Variants in ALG13 observed in about 807,000 individuals in gnomAD.
ALG13 encodes the protein ALG13 UDP-N-acetylglucosaminyltransferase subunit, also known as UDP-N-acetylglucosamine transferase subunit ALG13.
ALG13 carries 11 observed loss-of-function variants against 87.8 expected under a neutral mutation model. The observed-to-expected ratio is 0.13, with a 90% CI of 0.08 to 0.21. The LOEUF (loss-of-function observed/expected upper bound fraction) is 0.21, where lower values mean the gene tolerates loss of function less well. ALG13 is among the 10% of genes least tolerant of loss of function. ALG13 has a pLI of 1.00. For missense variants in ALG13, 756 were observed against 866.1 expected (o/e 0.87, Z 1.60); for synonymous variants, 320 against 306.3 (o/e 1.04, Z -0.47).
rs761077008 is a variant in ALG13, at chrX:111,726,903, C to T, written c.1824C>T (p.Asp608=). ...TGACTATGGCTTACGGCAAGGGAGA[C>T]CCCCTCCTCCCACCCAGGCTGCAGC... ...VYMTMAYGKG[D]PLLPPRLQHS... Residue 608 remains aspartate, a synonymous_variant, in exon 16 of 27, where the codon GAC becomes GAT. Coordinates refer to ENST00000394780, the MANE Select transcript of ALG13 (RefSeq NM_001099922.3). 6.6e-6 allele frequency: 8 copies of T among 1,210,912 alleles called. No homozygotes were observed. The highest frequency in any genetic ancestry group is 7.8e-6 in the Non-Finnish European group (7 of 895,044).
chrX:111,713,200 ACT>A (rs1420023264), intron 7 of ALG13, 23 bp from the exon 8 acceptor site: 2 of 1,104,820 alleles, frequency 1.8e-6, no homozygotes, highest in Non-Finnish European at 2.5e-6. Context: ...ATGTCTTCCC[ACT>A]TACCTTTGTT....
At chrX:111,693,712 A>T (rs1347372293) in intron 3 of ALG13, among the ~76,000 whole-genome samples, 1 of 111,925 alleles carries the variant, frequency 8.9e-6, no homozygotes, top group Non-Finnish European at 1.9e-5. Context: ...CTTGTATCAT[A>T]GCTTTGAACA....
intron 2 of ALG13, among the ~76,000 whole-genome samples, chrX:111,682,899 C>T (rs1480000117): frequency 8.9e-6 from 1 of 111,767 alleles, no homozygotes; most frequent in Non-Finnish European, 1.9e-5. Flanking sequence ...TTCAGAGGAC[C>T]GCCCTGATGG....
rs763799486 is a variant in ALG13 at position 111,736,829 on chromosome X, A to G, written c.2645A>G (p.Gln882Arg). Residue 882 changes from glutamine (Q) to arginine (R), a missense_variant, in exon 23 of 27, where the codon CAG (glutamine) becomes CGG (arginine). By Grantham distance (43) the Gln-to-Arg change is conservative. Transcript: ENST00000394780. ...ATTAGTACCACTTCAGTTTCCTCAC[A>G]GAATGCTATACAGCCTCTCTTTGTA... ...QAISTTSVSSQNAIQPLFVSP... is the reference protein window; with the variant it reads ...QAISTTSVSSRNAIQPLFVSP... 3 of 1,211,076 alleles carry G rather than the reference A, an allele frequency of 2.5e-6. No homozygotes were observed. Among genetic ancestry groups the G allele is most frequent in the East Asian group, 5.9e-5 (2 of 33,794 alleles).
At chrX:111,758,536 G>A (rs1296513216) in intron 26 of ALG13, among the ~76,000 whole-genome samples, 2 of 112,439 alleles carry the variant, frequency 1.8e-5, no homozygotes, top group African/African-American at 6.5e-5. Context: ...AGAGCTGAAT[G>A]TAGTTTCTTA....
intron 10 of ALG13, among the ~76,000 whole-genome samples, chrX:111,719,392 T>C (rs1941115987): frequency 8.9e-6 from 1 of 111,989 alleles, no homozygotes. Context: ...TAAAGGTTGC[T>C]TCACTCTTCA....
intron 22 of ALG13, 62 bp downstream of exon 22, chrX:111,735,184 C>A: frequency 1.3e-6 from 1 of 754,919 alleles, no homozygotes; most frequent in Non-Finnish European, 2.0e-6. Context: ...TGAATTTCCT[C>A]TTTTCATTTA....
At chrX:111,716,920 A>C (rs1395700370) in intron 8 of ALG13, 1 of 110,712 alleles carries the variant, frequency 9.0e-6, no homozygotes, top group Non-Finnish European at 1.9e-5. Flanking sequence ...TATATCCCTT[A>C]TATAAGACAT....
intron 24 of ALG13, among the ~76,000 whole-genome samples, chrX:111,750,583 C>G (rs763782478): frequency 2.7e-5 from 3 of 111,093 alleles, no homozygotes; most frequent in Middle Eastern, 4.6e-3. Flanking sequence ...CATGTTCTCC[C>G]TTTTCTCCCT....
chrX:111,755,659 C>T (rs912065907), intron 25 of ALG13, among the ~76,000 whole-genome samples: 1 of 112,356 alleles, frequency 8.9e-6, no homozygotes, highest in African/African-American at 3.2e-5. Flanking sequence ...ATGTGGCCAA[C>T]AAACAGGAAG....
At chrX:111,702,564 G>T (rs755113802) in intron 3 of ALG13, among the ~76,000 whole-genome samples, 1 of 111,275 alleles carries the variant, frequency 9.0e-6, no homozygotes, top group Non-Finnish European at 1.9e-5. Flanking sequence ...AACACATCGG[G>T]TTATCTAAAC....
rs1942553681 is a variant in ALG13, at chrX:111,730,438, T to C, written c.2401+11T>C. On this transcript the variant is annotated intron_variant, in intron 20 of 26. Coordinates refer to ENST00000394780, the MANE Select transcript of ALG13 (RefSeq NM_001099922.3). ...ATCTTTATCGTGCAGGTCAGTAAGA[T>C]CTAGAAGTGATCTGGCATTCATCAT... 8.3e-7 allele frequency: 1 copy of C among 1,204,095 alleles called. No individual in the cohort carries two copies. Among genetic ancestry groups the C allele is most frequent in the Admixed American group, 2.2e-5 (1 of 45,652 alleles).
chrX:111,703,052 C>T (rs1222343868), intron 3 of ALG13, among the ~76,000 whole-genome samples: 2 of 110,834 alleles, frequency 1.8e-5, no homozygotes, highest in African/African-American at 3.3e-5. Flanking sequence ...TTCTCTTTAT[C>T]CCCTGACTTC....
At chrX:111,689,222 C>T in intron 3 of ALG13, 1 of 750,150 alleles carries the variant, frequency 1.3e-6, no homozygotes, top group Non-Finnish European at 1.6e-6. Flanking sequence ...TGAGAATTCA[C>T]AGCACCATAA....
chrX:111,681,359 C>T, intron 1 of ALG13, 60 bp downstream of exon 1: 1 of 1,205,729 alleles, frequency 8.3e-7, no homozygotes, highest in Non-Finnish European at 1.1e-6. Flanking sequence ...TCCGGCCATA[C>T]TGCCAGCCGC....
At chrX:111,695,346 A>C (rs1427436533) in intron 3 of ALG13, among the ~76,000 whole-genome samples, 2 of 110,709 alleles carry the variant, frequency 1.8e-5, no homozygotes, top group African/African-American at 6.6e-5. Flanking sequence ...CAGCATGGAG[A>C]AACCCCGTCT....
At chrX:111,738,264 A>C (rs952227022) in intron 23 of ALG13, among the ~76,000 whole-genome samples, 3 of 112,439 alleles carry the variant, frequency 2.7e-5, no homozygotes, top group Admixed American at 1.9e-4. Flanking sequence ...AGCTTGAGCA[A>C]ATACAGGTTG....
rs374290658 is a variant in ALG13, at chrX:111,730,398, G to A, written c.2372G>A (p.Arg791Gln). 7 of 1,209,290 alleles carry A rather than the reference G, an allele frequency of 5.8e-6. No homozygotes were observed. Among genetic ancestry groups the A allele is most frequent in the Non-Finnish European group, 7.8e-6 (7 of 893,613 alleles). The change falls in exon 20 of 27, where the codon CGA becomes CAA. Residue 791 changes from arginine (R) to glutamine (Q), a missense_variant. By Grantham distance (43) the Arg-to-Gln change is conservative. Transcript: ENST00000394780. ...CTGTCTTGTCTTTTTTCCCCAGGGC[G>A]ATATCATGAAGAATATCTTTATCGT... Reference protein sequence around the residue: ...EEGNGQSENGRYHEEYLYRAE... With the variant: ...EEGNGQSENGQYHEEYLYRAE...
intron 23 of ALG13, among the ~76,000 whole-genome samples, chrX:111,740,080 A>C (rs1303518732): frequency 2.7e-5 from 3 of 111,505 alleles, no homozygotes; most frequent in Non-Finnish European, 1.9e-5. Context: ...AAGTAAGACA[A>C]ATGAGGGCTG....
Sources: gnomAD v4.1 joint callset for allele counts (sites outside exome capture counted in the v4.1 genomes callset) on GRCh38, gnomAD v4.1.1 for gene constraint, MANE v1.5 for transcripts, NCBI Gene and HGNC (gene_info 2026-07-23, HGNC 2026-07-21) for gene names.